CCDC181: variants seen among roughly 807,000 people sequenced by gnomAD.
The protein encoded by CCDC181 is coiled-coil domain containing 181.
A neutral mutation model predicts 58.7 loss-of-function variants in CCDC181; 35 were observed. The observed-to-expected ratio is 0.60, with a 90% CI of 0.46 to 0.79. The LOEUF is 0.79. CCDC181 is among the 30% of genes least tolerant of loss of function. The pLI, the probability that CCDC181 is intolerant of heterozygous loss-of-function variation, is 0.00. For missense variants in CCDC181, 517 were observed against 583.9 expected, an observed-to-expected ratio of 0.89 and a Z score of 1.18; for synonymous variants, 183 against 197.5, an observed-to-expected ratio of 0.93 and a Z score of 0.62.
intron 2 of CCDC181, among the ~76,000 whole-genome samples, chr1:169,437,559 A>T (rs1228100083): frequency 6.6e-6 from 1 of 152,206 alleles, no homozygotes. Flanking sequence ...TTGCAATGGC[A>T]GTTTCAATCC....
At chr1:169,457,051 C>T (rs1379203121) in intron 2 of CCDC181, among the ~76,000 whole-genome samples, 1 of 152,092 alleles carries the variant, frequency 6.6e-6, no homozygotes, top group Non-Finnish European at 1.5e-5. Context: ...AAGTTATTTT[C>T]CTTCAGTAAT....
intron 2 of CCDC181, among the ~76,000 whole-genome samples, chr1:169,435,297 A>G (rs1392862103): frequency 6.6e-6 from 1 of 152,096 alleles, no homozygotes; most frequent in Non-Finnish European, 1.5e-5. Flanking sequence ...ATTGAAAATG[A>G]ACTAGTGTTT....
At chr1:169,457,807 A>G (rs1657719347) in intron 2 of CCDC181, among the ~76,000 whole-genome samples, 1 of 152,216 alleles carries the variant, frequency 6.6e-6, no homozygotes, top group Admixed American at 6.5e-5. Context: ...TACATGTACA[A>G]TATTCCAAGT....
At chr1:169,457,565 G>T (rs1387151886) in intron 2 of CCDC181, among the ~76,000 whole-genome samples, 2 of 152,042 alleles carry the variant, frequency 1.3e-5, no homozygotes, top group African/African-American at 2.4e-5. Flanking sequence ...AGTTCCTATA[G>T]CATACAGTAT....
intron 2 of CCDC181, among the ~76,000 whole-genome samples, chr1:169,455,638 G>A (rs932898981): frequency 6.6e-6 from 1 of 152,128 alleles, no homozygotes; most frequent in Admixed American, 6.6e-5. Flanking sequence ...AATTGTGACT[G>A]CTAATGGCCA....
chr1:169,404,471 T>C (rs1000158049), intron 4 of CCDC181, among the ~76,000 whole-genome samples: 2 of 152,198 alleles, frequency 1.3e-5, no homozygotes, highest in Non-Finnish European at 2.9e-5. Context: ...CATGATCAAG[T>C]GGGCTTCATC....
intron 1 of CCDC181, among the ~76,000 whole-genome samples, chr1:169,425,464 A>T (rs974566633): frequency 6.6e-6 from 1 of 152,166 alleles, no homozygotes. Context: ...TAAACTAAAA[A>T]CACAAAATAG....
chr1:169,403,491 G>A (rs534601615), intron 4 of CCDC181, among the ~76,000 whole-genome samples: 33 of 152,110 alleles, frequency 2.2e-4, no homozygotes, highest in Non-Finnish European at 3.7e-4. Context: ...AAACTAGAAC[G>A]CAGGCTTAAG....
At chr1:169,405,284 CT>C (rs1474261423) in intron 4 of CCDC181, among the ~76,000 whole-genome samples, 2 of 152,226 alleles carry the variant, frequency 1.3e-5, no homozygotes, top group Non-Finnish European at 2.9e-5. Context: ...CAATGACTTT[CT>C]TCACAGAATG....
At chr1:169,410,998 A>C (rs1028418479) in intron 4 of CCDC181, among the ~76,000 whole-genome samples, 1 of 152,200 alleles carries the variant, frequency 6.6e-6, no homozygotes, top group Admixed American at 6.5e-5. Flanking sequence ...AGCAAGAGCA[A>C]ACACATTCAA....
At chr1:169,459,009 A>G (rs1657757534) in intron 2 of CCDC181, among the ~76,000 whole-genome samples, 1 of 152,114 alleles carries the variant, frequency 6.6e-6, no homozygotes, top group South Asian at 2.1e-4. Context: ...AAATATTAAA[A>G]TAATTATTCA....
In CCDC181 at chr1:169,408,154, G is replaced by T. The variant is rs1655772356; in HGVS notation, c.1216-10763C>A. ...ATCTCACCCCCACAAAGCCCAGCAA[G>T]CTAAGATCCACTTGCTTGAAATTCT... On this transcript the variant is annotated intron_variant, in intron 4 of 5. Coordinates refer to ENST00000367806, the MANE Select transcript of CCDC181 (RefSeq NM_001300969.2). Among the ~76,000 whole-genome samples the T allele has an allele frequency of 3.3e-5, 5 of 152,244 alleles. No homozygotes were observed. In the South Asian group the frequency reaches 1.0e-3, roughly 32 times the overall value.
chr1:169,441,338 A>G (rs375063621), intron 2 of CCDC181, among the ~76,000 whole-genome samples: 1 of 152,300 alleles, frequency 6.6e-6, no homozygotes, highest in African/African-American at 2.4e-5. Context: ...TGATCAGGGA[A>G]GAGAGAGGAA....
chr1:169,450,631 T>A (rs1386529065), intron 2 of CCDC181, among the ~76,000 whole-genome samples: 1 of 152,214 alleles, frequency 6.6e-6, no homozygotes, highest in Non-Finnish European at 1.5e-5. Context: ...ATACAAGTCT[T>A]TGTGTCAACC....
At chr1:169,415,016 C>A (rs1481741673) in intron 4 of CCDC181, among the ~76,000 whole-genome samples, 1 of 151,954 alleles carries the variant, frequency 6.6e-6, no homozygotes, top group Non-Finnish European at 1.5e-5. Context: ...AAATATATAA[C>A]CATGATGTCT....
At chr1:169,404,576 T>C (rs1042000552) in intron 4 of CCDC181, among the ~76,000 whole-genome samples, 7 of 152,182 alleles carry the variant, frequency 4.6e-5, no homozygotes, top group African/African-American at 1.7e-4. Flanking sequence ...ATTATCTCAA[T>C]AGATGCAGAA....
At chr1:169,409,047 T>C (rs1276061079) in intron 4 of CCDC181, among the ~76,000 whole-genome samples, 1 of 152,172 alleles carries the variant, frequency 6.6e-6, no homozygotes, top group Admixed American at 6.5e-5. Flanking sequence ...GTTTGACGAA[T>C]TGACGGAAGT....
intron 2 of CCDC181, among the ~76,000 whole-genome samples, chr1:169,436,945 G>A (rs1255617917): frequency 1.3e-5 from 2 of 152,042 alleles, no homozygotes; most frequent in Non-Finnish European, 2.9e-5. Flanking sequence ...TAGGAGGAGA[G>A]TGACAATAAA....
intron 4 of CCDC181, among the ~76,000 whole-genome samples, chr1:169,408,282 C>T (rs1263268465): frequency 6.6e-6 from 1 of 152,218 alleles, no homozygotes; most frequent in Admixed American, 6.5e-5. Flanking sequence ...TTTCCCCTCA[C>T]AGCCAGGAAG....
Sources: allele counts gnomAD v4.1 joint callset (sites outside exome capture counted in the v4.1 genomes callset), GRCh38; gene constraint gnomAD v4.1.1; transcripts MANE v1.5; gene names NCBI Gene and HGNC (gene_info 2026-07-23, HGNC 2026-07-21).